The following CHD6 variants were observed in gnomAD, a reference collection of about 807,000 sequenced individuals.
CHD6 encodes ATP-dependent chromatin remodeler CHD6.
A neutral mutation model predicts 276.9 loss-of-function variants in CHD6; 50 were observed. The observed-to-expected ratio is 0.18, with a 90% CI of 0.14 to 0.23. CHD6 has a LOEUF of 0.23. Ranked by LOEUF, CHD6 falls within the 10% of genes least tolerant of loss-of-function variation. The pLI is 1.00. For missense variants in CHD6, 2,564 were observed against 3,365.8 expected, an observed-to-expected ratio of 0.76 and a Z score of 5.89; for synonymous variants, 1,173 against 1,229.3, an observed-to-expected ratio of 0.95 and a Z score of 0.96.
At chr20:41,567,547 C>G (rs751728512) in intron 1 of CHD6, among the ~76,000 whole-genome samples, 1 of 151,974 alleles carries the variant, frequency 6.6e-6, no homozygotes, top group South Asian at 2.1e-4. Context: ...GTACACTCTC[C>G]TGATCCCCAA....
chr20:41,546,876 C>T (rs1480680287), intron 2 of CHD6, among the ~76,000 whole-genome samples: 1 of 152,154 alleles, frequency 6.6e-6, no homozygotes, highest in East Asian at 1.9e-4. Flanking sequence ...ATTCTTTAGG[C>T]AAAACAAAGT....
intron 1 of CHD6, among the ~76,000 whole-genome samples, chr20:41,589,346 T>A (rs1229727608): frequency 6.6e-6 from 1 of 152,046 alleles, no homozygotes; most frequent in Admixed American, 6.6e-5. Flanking sequence ...CTATTCAACA[T>A]AGTGTTGGAA....
In CHD6 at chr20:41,550,540, G is replaced by C. The variant is rs149387800; in HGVS notation, c.33+765C>G. Among the ~76,000 whole-genome samples the C allele has an allele frequency of 5.4e-4, 82 of 152,242 alleles. No homozygotes were observed. In the East Asian group the frequency reaches 0.013, roughly 24 times the overall value. ...ACTAGAGTTCCCTAGAAGCAAACTG[G>C]AAAGGTAGGAGTGGCTAGTCTCACC... On this transcript the variant is annotated intron_variant, in intron 2 of 36. Transcript: ENST00000373233.
chr20:41,440,834 T>C (rs1413718694), intron 25 of CHD6, among the ~76,000 whole-genome samples: 1 of 152,210 alleles, frequency 6.6e-6, no homozygotes, highest in Non-Finnish European at 1.5e-5. Context: ...TTTGGCCACA[T>C]AAAAGGCAGA....
intron 1 of CHD6, among the ~76,000 whole-genome samples, chr20:41,566,798 G>A (rs906072052): frequency 1.3e-5 from 2 of 152,168 alleles, no homozygotes; most frequent in Admixed American, 6.5e-5. Flanking sequence ...ATGAGTGTAC[G>A]TGAACAATAA....
intron 36 of CHD6, among the ~76,000 whole-genome samples, chr20:41,408,748 G>A (rs1205259638): frequency 6.6e-6 from 1 of 152,130 alleles, no homozygotes; most frequent in African/African-American, 2.4e-5. Flanking sequence ...AGAGAGAGGG[G>A]GCATATTCCA....
chr20:41,579,437 C>CCAAAAAAAAAAAA (rs2045512031), intron 1 of CHD6, among the ~76,000 whole-genome samples: 1 of 69,976 alleles, frequency 1.4e-5, no homozygotes, highest in African/African-American at 6.2e-5. Flanking sequence ...GACTCTGTCT[C>CCAAAAAAAAAAAA]AAAAAAAAAA....
intron 24 of CHD6, among the ~76,000 whole-genome samples, chr20:41,446,224 G>C (rs534308115): frequency 8.5e-5 from 13 of 152,286 alleles, no homozygotes; most frequent in East Asian, 1.9e-4. Flanking sequence ...TCAACAAGTA[G>C]AGATCTTACG....
intron 8 of CHD6, among the ~76,000 whole-genome samples, chr20:41,495,951 C>A (rs1330356500): frequency 6.6e-6 from 1 of 152,202 alleles, no homozygotes; most frequent in African/African-American, 2.4e-5. Context: ...ACTGCAGAGC[C>A]CAGGCTCTTA....
chr20:41,566,866 A>G (rs2045360895), intron 1 of CHD6, among the ~76,000 whole-genome samples: 2 of 152,154 alleles, frequency 1.3e-5, no homozygotes, highest in Non-Finnish European at 2.9e-5. Flanking sequence ...CATCCCTATA[A>G]TCCTGTGTCA....
intron 3 of CHD6, among the ~76,000 whole-genome samples, chr20:41,518,314 T>C (rs2044301031): frequency 6.6e-6 from 1 of 152,244 alleles, no homozygotes; most frequent in Non-Finnish European, 1.5e-5. Context: ...GCCCACATGC[T>C]AGAATCATGT....
At chr20:41,485,246 C>T (rs796720771) in intron 14 of CHD6, among the ~76,000 whole-genome samples, 63 of 152,258 alleles carry the variant, frequency 4.1e-4, no homozygotes, top group African/African-American at 1.5e-3. Context: ...GACAGCAGAT[C>T]TTTATGCAAC....
intron 27 of CHD6, among the ~76,000 whole-genome samples, chr20:41,436,512 G>C (rs1298525918): frequency 3.3e-5 from 5 of 152,088 alleles, no homozygotes; most frequent in Admixed American, 3.3e-4. Context: ...TTACACTCCT[G>C]GGCATTTATT....
Position 41,421,627 on chromosome 20 carries a change from C to T in CHD6, c.5008G>A (p.Asp1670Asn), listed in dbSNP as rs1158042080. 6.2e-7 allele frequency: 1 copy of T among 1,613,916 alleles called. No individual in the cohort carries two copies. The change falls in exon 31 of 37, where the codon GAT (aspartate) becomes AAT (asparagine). Residue 1670 changes from aspartate (D) to asparagine (N), a missense_variant. Asp to Asn is a conservative substitution (Grantham distance 23). This residue lies in a region of CHD6 where 1,024 missense variants were observed against 1,047.9 expected (regional missense o/e 0.98). Transcript: ENST00000373233. ...ENLVRVESRD[D>N]HLSLPDVTCE... ...GTCACATCAGGCAGGCTGAGATGAT[C>T]ATCTCTGCTTTCTACTCTCACTAGA...
Position 41,402,630 on chromosome 20 carries a change from G to T in CHD6, c.*1963C>A. On this transcript the variant is annotated 3_prime_UTR_variant, in exon 37 of 37. Transcript: ENST00000373233. ...TAGCATTTGTATTTTAAGGATTTAGGGCAAATACATTTTTTTTTCTACTTG... is the reference window on the plus strand; with the variant it reads ...TAGCATTTGTATTTTAAGGATTTAGTGCAAATACATTTTTTTTTCTACTTG... The T allele has an allele frequency of 4.5e-6, 1 of 222,882 alleles. No individual in the cohort carries two copies. The highest frequency in any genetic ancestry group is 5.7e-5 in the Admixed American group (1 of 17,442). The allele number at this position is 222,882 out of a possible 1,614,324, so 13.8% of individuals were successfully genotyped here. A position where few individuals can be genotyped will look rare whatever the true frequency, so the allele number is the denominator to read the frequency against.
At chr20:41,410,924 C>G (rs1295737287) in intron 36 of CHD6, among the ~76,000 whole-genome samples, 1 of 151,876 alleles carries the variant, frequency 6.6e-6, no homozygotes, top group Non-Finnish European at 1.5e-5. Context: ...TGTGCCGAGA[C>G]AAAAGGAGAA....
chr20:41,425,814 A>G (rs1282608048), intron 28 of CHD6, among the ~76,000 whole-genome samples: 1 of 152,144 alleles, frequency 6.6e-6, no homozygotes, highest in Non-Finnish European at 1.5e-5. Flanking sequence ...AAAAACAAAA[A>G]AAACCCGATG....
At chr20:41,602,337 C>A (rs571808655) in intron 1 of CHD6, among the ~76,000 whole-genome samples, 45 of 152,322 alleles carry the variant, frequency 3.0e-4, no homozygotes, top group Non-Finnish European at 4.7e-4. Flanking sequence ...GCTGGCACCA[C>A]AAACCACAAA....
At chr20:41,438,536 G>A (rs543539073) in intron 26 of CHD6, among the ~76,000 whole-genome samples, 1 of 152,206 alleles carries the variant, frequency 6.6e-6, no homozygotes, top group Admixed American at 6.5e-5. Context: ...GCTGCAATGA[G>A]CCGAGATCAT....
Sources: allele counts gnomAD v4.1 joint callset (sites outside exome capture counted in the v4.1 genomes callset), GRCh38; gene constraint gnomAD v4.1.1; regional missense constraint gnomAD v4.1.1; transcripts MANE v1.5; gene names NCBI Gene and HGNC (gene_info 2026-07-23, HGNC 2026-07-21).